SEPTIN11: variants seen among roughly 807,000 people sequenced by gnomAD.
The protein encoded by SEPTIN11 is septin 11.
In SEPTIN11, 25 loss-of-function variants were observed where a neutral mutation model predicts 51.4. That is an observed-to-expected ratio of 0.49 (90% CI 0.35 to 0.68). The LOEUF (loss-of-function observed/expected upper bound fraction) is 0.68, where lower values mean the gene tolerates loss of function less well. Among genes scored for constraint, SEPTIN11 ranks in the 30% least tolerant of loss-of-function variants. SEPTIN11 has a pLI of 0.00. For synonymous variants in SEPTIN11, 174 were observed against 184.1 expected (o/e 0.95, Z 0.44); for missense variants, 381 against 520.8 (o/e 0.73, Z 2.61).
chr4:77,029,136 A>G (rs1726405839), intron 8 of SEPTIN11, among the ~76,000 whole-genome samples: 2 of 152,120 alleles, frequency 1.3e-5, no homozygotes, highest in South Asian at 2.1e-4. Flanking sequence ...CTATCAGCCA[A>G]CTCAGCTAGA....
intron 1 of SEPTIN11, among the ~76,000 whole-genome samples, chr4:76,980,226 C>T (rs1722704364): frequency 6.6e-6 from 1 of 152,102 alleles, no homozygotes; most frequent in South Asian, 2.1e-4. Flanking sequence ...CCACCTTGAT[C>T]CCAGAATATG....
intron 2 of SEPTIN11, among the ~76,000 whole-genome samples, chr4:77,000,457 A>G (rs1578165484): frequency 6.6e-6 from 1 of 152,364 alleles, no homozygotes; most frequent in East Asian, 1.9e-4. Context: ...GTGTGCCATC[A>G]GGCCTGCCTA....
intron 7 of SEPTIN11, among the ~76,000 whole-genome samples, chr4:77,025,944 C>T (rs1560746174): frequency 6.6e-6 from 1 of 152,192 alleles, no homozygotes; most frequent in Non-Finnish European, 1.5e-5. Context: ...TTGCCAATGG[C>T]AAAGTTGCTC....
chr4:77,033,035 C>T (rs972930171), intron 9 of SEPTIN11, among the ~76,000 whole-genome samples: 9 of 152,110 alleles, frequency 5.9e-5, no homozygotes, highest in African/African-American at 1.9e-4. Context: ...TCAGAGTAGT[C>T]GCCAGGTTTT....
Position 77,036,195 on chromosome 4 carries a change from T to C in SEPTIN11, c.*1683T>C, listed in dbSNP as rs6532790. 2.5e-3 allele frequency: 2,468 copies of C among 987,746 alleles called. 41 individuals are homozygous for C. In the African/African-American group the frequency reaches 0.039, roughly 15 times the overall value. 61.2% of individuals were successfully genotyped at this position (987,746 alleles called of 1,614,324 possible). Reference sequence around the variant, plus strand: ...CATGGAAGCCTAAACAAAGCTGGAATAGAAACTACACACTAGACACAGCAG... The same window carrying C: ...CATGGAAGCCTAAACAAAGCTGGAACAGAAACTACACACTAGACACAGCAG... On this transcript the variant is annotated 3_prime_UTR_variant, in exon 10 of 10. Transcript: ENST00000264893.
At chr4:76,954,746 C>T (rs116423554) in intron 1 of SEPTIN11, among the ~76,000 whole-genome samples, 11,786 of 152,238 alleles carry the variant, frequency 0.077, 631 homozygotes, top group South Asian at 0.17. Context: ...AGGATCGACG[C>T]CAATGAGTGT....
chr4:76,983,764 C>G (rs1310476045), intron 1 of SEPTIN11, among the ~76,000 whole-genome samples: 1 of 152,172 alleles, frequency 6.6e-6, no homozygotes, highest in African/African-American at 2.4e-5. Flanking sequence ...AATCCCAGCA[C>G]TTTGGGAGGC....
rs536839303 is a variant in SEPTIN11 at position 77,036,845 on chromosome 4, C to G, written c.*2333C>G. The G allele has an allele frequency of 2.0e-6, 3 of 1,485,200 alleles. No homozygotes were observed. In the South Asian group the frequency reaches 4.0e-5, roughly 20 times the overall value. 92.0% of individuals were successfully genotyped at this position (1,485,200 alleles called of 1,614,324 possible). ...GTGCTTTCGCCTTTGCATGTAAGTA[C>G]GGTAGTAAGAAACCTTTGAGATCTT... is the stretch of plus-strand genomic sequence containing the variant. On this transcript the variant is annotated 3_prime_UTR_variant, in exon 10 of 10. Coordinates refer to ENST00000264893, the MANE Select transcript of SEPTIN11 (RefSeq NM_018243.4).
chr4:77,006,611 A>G (rs745537408), intron 3 of SEPTIN11, among the ~76,000 whole-genome samples: 1 of 152,234 alleles, frequency 6.6e-6, no homozygotes, highest in Non-Finnish European at 1.5e-5. Flanking sequence ...ATCTTTGAGC[A>G]GTTACAACAT....
intron 2 of SEPTIN11, among the ~76,000 whole-genome samples, chr4:77,001,232 A>G (rs112134311): frequency 1.5e-3 from 225 of 152,348 alleles, no homozygotes; most frequent in African/African-American, 5.1e-3. Flanking sequence ...TACTGTAGCA[A>G]TAGAGTGTTT....
rs1215884568 is a variant in SEPTIN11, at chr4:77,011,866, C to T, written c.470C>T (p.Thr157Ile). Residue 157 changes from threonine to isoleucine, a missense_variant, in exon 4 of 10, where the codon ACT becomes ATT. By Grantham distance (89) the Thr-to-Ile change is moderately conservative. This residue lies in a region of SEPTIN11 where 184 missense variants were observed against 207.7 expected (regional missense o/e 0.89). Transcript: ENST00000264893. ...IHACLYFIAP[T>I]GHSLKSLDLV... is the part of the protein sequence containing the mutation. The stretch of plus-strand genomic sequence containing the variant: ...GCCTGCCTCTACTTTATTGCCCCTA[C>T]TGGACATTCACTAAAGTCCCTGGAT... The T allele has an allele frequency of 1.2e-6, 2 of 1,614,122 alleles. No individual in the cohort carries two copies. The highest frequency in any genetic ancestry group is 8.5e-7 in the Non-Finnish European group (1 of 1,179,988).
chr4:76,971,845 G>A (rs1243416981), intron 1 of SEPTIN11, among the ~76,000 whole-genome samples: 2 of 152,178 alleles, frequency 1.3e-5, no homozygotes, highest in Non-Finnish European at 2.9e-5. Flanking sequence ...ACGTGGTGAA[G>A]GTCTAGGTAT....
intron 4 of SEPTIN11, 90 bp downstream of exon 4, chr4:77,012,011 T>G: frequency 2.5e-6 from 3 of 1,191,046 alleles, no homozygotes; most frequent in Non-Finnish European, 3.5e-6. Context: ...TCAGTGTGAT[T>G]TTTTTTTTCC....
At chr4:77,007,600 C>A (rs749823654) in intron 3 of SEPTIN11, among the ~76,000 whole-genome samples, 1 of 152,178 alleles carries the variant, frequency 6.6e-6, no homozygotes, top group Non-Finnish European at 1.5e-5. Flanking sequence ...GCAGCTGGAG[C>A]CCTCCTTAAG....
Position 77,024,399 on chromosome 4 carries a change from C to T in SEPTIN11, c.953+3729C>T, listed in dbSNP as rs1459607900. On this transcript the variant is annotated intron_variant, in intron 7 of 9. Coordinates refer to ENST00000264893, the MANE Select transcript of SEPTIN11 (RefSeq NM_018243.4). This position sits in a 1 kb window ranked among gnomAD's most constrained non-coding sequence, Gnocchi z 4.2. ...AAACTCATGCGTCTACCACCCAGAG[C>T]ACCCATGCTTCCCTGGACCCAGGCG... 1.3e-5 allele frequency among the ~76,000 whole-genome samples: 2 copies of T among 152,178 alleles called. No individual in the cohort carries two copies. The highest frequency in any genetic ancestry group is 2.9e-5 in the Non-Finnish European group (2 of 68,032).
At chr4:76,977,832 C>T (rs766652509) in intron 1 of SEPTIN11, among the ~76,000 whole-genome samples, 7 of 151,758 alleles carry the variant, frequency 4.6e-5, no homozygotes, top group South Asian at 4.1e-4. Flanking sequence ...CCCATACTAC[C>T]GAAAGGTTAT....
At chr4:76,951,086 G>A (rs976853588) in intron 1 of SEPTIN11, among the ~76,000 whole-genome samples, 1 of 152,266 alleles carries the variant, frequency 6.6e-6, no homozygotes, top group East Asian at 1.9e-4. Context: ...GACTTACTGA[G>A]ATACTGGAAG....
chr4:77,040,006 TC>T (rs1215520969), downstream of SEPTIN11: 2 of 152,930 alleles, frequency 1.3e-5, no homozygotes, highest in Non-Finnish European at 2.9e-5. Flanking sequence ...TAACATGCTT[TC>T]CTTGTTTTGG....
rs368359538 is a variant in SEPTIN11, at chr4:77,016,311, A to C, written c.687+1294A>C. ...AAGATTGCATGGCTGTGGGTAGTGG[A>C]GGTAGAATTGGAACCCAGGCTTTGG... On this transcript the variant is annotated intron_variant, in intron 5 of 9. Coordinates refer to ENST00000264893, the MANE Select transcript of SEPTIN11 (RefSeq NM_018243.4). Among the ~76,000 whole-genome samples the C allele has an allele frequency of 1.5e-4, 22 of 151,654 alleles. No individual in the cohort carries two copies. In the East Asian group the frequency reaches 3.9e-3, roughly 27 times the overall value.
Sources: allele counts gnomAD v4.1 joint callset (sites outside exome capture counted in the v4.1 genomes callset), GRCh38; gene constraint gnomAD v4.1.1; regional missense constraint gnomAD v4.1.1; non-coding constraint Gnocchi (gnomAD v3.1); transcripts MANE v1.5; gene names NCBI Gene and HGNC (gene_info 2026-07-23, HGNC 2026-07-21).